The following NEDD4L variants were observed in gnomAD, a reference collection of about 807,000 sequenced individuals.
The protein encoded by NEDD4L is E3 ubiquitin-protein ligase NEDD4-like.
Under a neutral mutation model 148.9 loss-of-function variants are expected in NEDD4L, and 54 were observed. The observed-to-expected ratio is 0.36, with a 90% CI of 0.29 to 0.45. The LOEUF (loss-of-function observed/expected upper bound fraction) is 0.45, where lower values mean the gene tolerates loss of function less well. Ranked by LOEUF, NEDD4L falls within the 20% of genes least tolerant of loss-of-function variation. NEDD4L has a pLI of 1.00. For missense variants in NEDD4L, 856 were observed against 1,233.8 expected (o/e 0.69, Z 4.59); for synonymous variants, 433 against 440.7 (o/e 0.98, Z 0.22).
intron 1 of NEDD4L, among the ~76,000 whole-genome samples, chr18:58,060,967 T>G (rs1477521800): frequency 6.6e-6 from 1 of 151,882 alleles, no homozygotes; most frequent in African/African-American, 2.4e-5. Context: ...ACCATGTTGG[T>G]CAGGCTGGTC....
chr18:58,154,566 G>C (rs2035216855), intron 1 of NEDD4L, among the ~76,000 whole-genome samples: 1 of 152,086 alleles, frequency 6.6e-6, no homozygotes, highest in Admixed American at 6.6e-5. Context: ...TGGGTGGATT[G>C]CCTGAGCTCA....
At chr18:58,189,273 T>C (rs2039825432) in intron 2 of NEDD4L, among the ~76,000 whole-genome samples, 1 of 152,186 alleles carries the variant, frequency 6.6e-6, no homozygotes, top group African/African-American at 2.4e-5. Flanking sequence ...AGCTGGTGCA[T>C]TCCCCACTTG....
chr18:58,310,477 T>A (rs922019816), intron 5 of NEDD4L, among the ~76,000 whole-genome samples: 4 of 152,256 alleles, frequency 2.6e-5, no homozygotes, highest in African/African-American at 9.6e-5. Context: ...GTCATCACAC[T>A]TTTTTCTTTA....
intron 3 of NEDD4L, among the ~76,000 whole-genome samples, chr18:58,247,834 C>A (rs975046534): frequency 6.6e-6 from 1 of 152,244 alleles, no homozygotes; most frequent in Non-Finnish European, 1.5e-5. Flanking sequence ...TCCCCTCGTT[C>A]ATTACCATCC....
intron 1 of NEDD4L, among the ~76,000 whole-genome samples, chr18:58,143,644 G>A (rs1052706578): frequency 1.1e-4 from 17 of 152,150 alleles, no homozygotes; most frequent in East Asian, 1.9e-4. Flanking sequence ...ACCTGTGCCC[G>A]TCCCGTGTTC....
intron 1 of NEDD4L, among the ~76,000 whole-genome samples, chr18:58,097,955 G>A (rs919781489): frequency 6.6e-6 from 1 of 152,156 alleles, no homozygotes; most frequent in Admixed American, 6.5e-5. Flanking sequence ...CTTGAGCCTG[G>A]GAGGTCAAGG....
intron 9 of NEDD4L, among the ~76,000 whole-genome samples, chr18:58,328,095 G>C (rs1436792380): frequency 6.6e-6 from 1 of 152,096 alleles, no homozygotes; most frequent in African/African-American, 2.4e-5. Flanking sequence ...CTCCTGAGTA[G>C]CTGGGACTAC....
chr18:58,149,268 C>T lies in NEDD4L; in HGVS notation c.49-16520C>T, dbSNP rs888099461. The T allele has an allele frequency of 3.6e-5, 22 of 617,592 alleles. No homozygotes were observed. The South Asian group carries it at 3.8e-4, about 11-fold the overall frequency. 38.3% of individuals were successfully genotyped at this position (617,592 alleles called of 1,614,324 possible). A position where few individuals can be genotyped will look rare whatever the true frequency, so the allele number is the denominator to read the frequency against. On this transcript the variant is annotated intron_variant, in intron 1 of 30. Transcript: ENST00000400345. ...CTTGGCAGTCCTGGGAGAGGCTGGA[C>T]CTTGGTGTCCAGGTGGCAGGTTCAT...
intron 5 of NEDD4L, among the ~76,000 whole-genome samples, chr18:58,253,479 A>AATCTTGTT (rs2148526389): frequency 6.6e-6 from 1 of 152,338 alleles, no homozygotes; most frequent in Non-Finnish European, 1.5e-5. Flanking sequence ...TATGCATCAA[A>AATCTTGTT]GTACTTTCTT....
intron 6 of NEDD4L, among the ~76,000 whole-genome samples, chr18:58,321,641 C>T (rs942302511): frequency 2.0e-5 from 3 of 152,178 alleles, no homozygotes; most frequent in Non-Finnish European, 4.4e-5. Flanking sequence ...TGTGCATGCA[C>T]GCGCACACAA....
At chr18:58,196,488 A>G (rs2040707941) in intron 2 of NEDD4L, among the ~76,000 whole-genome samples, 1 of 152,208 alleles carries the variant, frequency 6.6e-6, no homozygotes, top group Non-Finnish European at 1.5e-5. Flanking sequence ...GTGCATAATC[A>G]TTACTCATTG....
chr18:58,299,931 A>G (rs1470710757), intron 5 of NEDD4L, among the ~76,000 whole-genome samples: 4 of 152,236 alleles, frequency 2.6e-5, no homozygotes, highest in African/African-American at 9.6e-5. Context: ...CCAAGGAACG[A>G]TCAAGAATGT....
intron 2 of NEDD4L, among the ~76,000 whole-genome samples, chr18:58,171,543 G>T (rs192807073): frequency 3.0e-3 from 462 of 152,384 alleles, no homozygotes; most frequent in African/African-American, 9.7e-3. Context: ...TAGCGGACTT[G>T]GGAGGCTCAG....
At chr18:58,288,703 T>G (rs2054270447) in intron 5 of NEDD4L, among the ~76,000 whole-genome samples, 1 of 152,220 alleles carries the variant, frequency 6.6e-6, no homozygotes. Context: ...CTGTTGCCTT[T>G]TTTTTTCTTT....
intron 13 of NEDD4L, among the ~76,000 whole-genome samples, chr18:58,339,444 T>G (rs1225744906): frequency 6.6e-6 from 1 of 152,092 alleles, no homozygotes; most frequent in Non-Finnish European, 1.5e-5. Context: ...GCATGCTAAT[T>G]CATCGATGTT....
intron 1 of NEDD4L, among the ~76,000 whole-genome samples, chr18:58,124,162 A>C (rs2030570268): frequency 6.6e-6 from 1 of 152,004 alleles, no homozygotes; most frequent in African/African-American, 2.4e-5. Flanking sequence ...TCCTTCTCCA[A>C]TGACCGGGTG....
intron 5 of NEDD4L, among the ~76,000 whole-genome samples, chr18:58,263,002 C>G (rs1338660668): frequency 6.6e-6 from 1 of 152,176 alleles, no homozygotes; most frequent in Non-Finnish European, 1.5e-5. Flanking sequence ...GTGGACTGTT[C>G]TGACACTTTT....
chr18:58,189,961 T>C (rs1247187665), intron 2 of NEDD4L: 1 of 152,178 alleles, frequency 6.6e-6, no homozygotes, highest in East Asian at 1.9e-4. Context: ...TGGAATTCTC[T>C]AAAAAAGAAT....
chr18:58,097,072 C>A (rs2084459488), intron 1 of NEDD4L, among the ~76,000 whole-genome samples: 1 of 151,814 alleles, frequency 6.6e-6, no homozygotes, highest in Non-Finnish European at 1.5e-5. Context: ...TTGCAAGAGG[C>A]AAACCATTTG....
Sources: allele counts gnomAD v4.1 joint callset (sites outside exome capture counted in the v4.1 genomes callset), GRCh38; gene constraint gnomAD v4.1.1; transcripts MANE v1.5; gene names NCBI Gene and HGNC (gene_info 2026-07-23, HGNC 2026-07-21).